The following NELL1 variants were observed in gnomAD, a reference collection of about 807,000 sequenced individuals.
NELL1 encodes the protein protein kinase C-binding protein NELL1.
A neutral mutation model predicts 107.4 loss-of-function variants in NELL1; 76 were observed. The observed-to-expected ratio is 0.71, with a 90% CI of 0.59 to 0.86. NELL1 has a LOEUF of 0.86. Ranked by LOEUF, NELL1 falls within the 40% of genes least tolerant of loss-of-function variation. The pLI, the probability that NELL1 is intolerant of heterozygous loss-of-function variation, is 0.00. For synonymous variants in NELL1, 353 were observed against 341.2 expected, an observed-to-expected ratio of 1.03 and a Z score of -0.38; for missense variants, 1,024 against 1,005.5, an observed-to-expected ratio of 1.02 and a Z score of -0.25.
chr11:21,566,367 T>C (rs1242698320), intron 17 of NELL1, among the ~76,000 whole-genome samples: 3 of 151,866 alleles, frequency 2.0e-5, no homozygotes, highest in Non-Finnish European at 4.4e-5. Flanking sequence ...AATACTGAAA[T>C]ATTACTGAAA....
chr11:21,293,445 G>A (rs1288510446), intron 14 of NELL1, among the ~76,000 whole-genome samples: 1 of 152,180 alleles, frequency 6.6e-6, no homozygotes. Context: ...ATGCTGGAGA[G>A]GATGTGGAGA....
At chr11:20,929,548 C>A (rs1050387146) in intron 9 of NELL1, among the ~76,000 whole-genome samples, 3 of 151,768 alleles carry the variant, frequency 2.0e-5, no homozygotes, top group Non-Finnish European at 4.4e-5. Flanking sequence ...TTTTGGAAGT[C>A]ATGTCTGGCA....
intron 2 of NELL1, among the ~76,000 whole-genome samples, chr11:20,746,037 A>T (rs1590254636): frequency 6.6e-6 from 1 of 152,152 alleles, no homozygotes; most frequent in South Asian, 2.1e-4. Context: ...GTGAGCAAGG[A>T]GAGAAATTAT....
intron 13 of NELL1, among the ~76,000 whole-genome samples, chr11:21,133,715 A>G (rs1411830245): frequency 3.2e-5 from 2 of 62,660 alleles, no homozygotes; most frequent in African/African-American, 1.2e-4. Context: ...GGTGTGGGGC[A>G]GTTGTTGGGG....
chr11:21,146,534 A>C (rs931122893), intron 13 of NELL1, among the ~76,000 whole-genome samples: 5 of 152,148 alleles, frequency 3.3e-5, no homozygotes, highest in Admixed American at 2.0e-4. Context: ...GAGGGAAGAA[A>C]CTGGGAAGAA....
intron 12 of NELL1, among the ~76,000 whole-genome samples, chr11:21,015,838 T>C (rs908646371): frequency 2.0e-5 from 3 of 152,102 alleles, no homozygotes; most frequent in Admixed American, 2.0e-4. Flanking sequence ...CAACACAGTA[T>C]ATGCTCCATT....
intron 15 of NELL1, among the ~76,000 whole-genome samples, chr11:21,533,109 A>G (rs549784235): frequency 6.6e-6 from 1 of 152,318 alleles, no homozygotes; most frequent in East Asian, 1.9e-4. Flanking sequence ...AATGGGCTGA[A>G]CAATACATGC....
At chr11:20,708,499 T>C (rs2133892631) in intron 2 of NELL1, among the ~76,000 whole-genome samples, 1 of 152,298 alleles carries the variant, frequency 6.6e-6, no homozygotes, top group African/African-American at 2.4e-5. Context: ...TTTTTAATGT[T>C]TTTTGGCCAT....
intron 14 of NELL1, among the ~76,000 whole-genome samples, chr11:21,347,602 AAAAC>A (rs1188876289): frequency 1.3e-5 from 2 of 152,194 alleles, no homozygotes; most frequent in African/African-American, 4.8e-5. Context: ...AACTCTGCCT[AAAAC>A]AAACAAACAA....
chr11:20,681,097 T>G (rs1854179765), intron 2 of NELL1, among the ~76,000 whole-genome samples: 3 of 152,120 alleles, frequency 2.0e-5, no homozygotes, highest in Admixed American at 2.0e-4. Flanking sequence ...AAAAGTTGTT[T>G]AACCACAACG....
chr11:21,484,604 T>A (rs1347727197), intron 15 of NELL1, among the ~76,000 whole-genome samples: 1 of 151,394 alleles, frequency 6.6e-6, no homozygotes, highest in South Asian at 2.1e-4. Context: ...GTATAGTAGA[T>A]GATATGCATA....
intron 14 of NELL1, among the ~76,000 whole-genome samples, chr11:21,239,599 A>C (rs1421721232): frequency 6.6e-6 from 1 of 152,076 alleles, no homozygotes; most frequent in Non-Finnish European, 1.5e-5. Flanking sequence ...AGCCATAAAT[A>C]AACTCAGGAT....
intron 16 of NELL1, among the ~76,000 whole-genome samples, chr11:21,538,440 G>A (rs893860528): frequency 3.3e-5 from 5 of 152,126 alleles, no homozygotes; most frequent in Non-Finnish European, 5.9e-5. Flanking sequence ...TAGTATTGCA[G>A]AGGCAGATAG....
At chr11:21,440,499 T>C (rs1189872325) in intron 15 of NELL1, among the ~76,000 whole-genome samples, 1 of 152,206 alleles carries the variant, frequency 6.6e-6, no homozygotes, top group East Asian at 1.9e-4. Context: ...AGTCAGGCTC[T>C]TGTCAATTAA....
chr11:21,571,671 A>G (rs974200883), intron 18 of NELL1, among the ~76,000 whole-genome samples: 3 of 151,916 alleles, frequency 2.0e-5, no homozygotes, highest in African/African-American at 7.2e-5. Context: ...TAGGGCTACT[A>G]ATGGTATAAT....
intron 2 of NELL1, among the ~76,000 whole-genome samples, chr11:20,735,781 G>C (rs1413860335): frequency 6.6e-6 from 1 of 152,218 alleles, no homozygotes. Context: ...CAGTGACAAA[G>C]AGCAGTAGCT....
At chr11:20,934,279 A>G (rs1850677619) in intron 9 of NELL1, among the ~76,000 whole-genome samples, 1 of 152,226 alleles carries the variant, frequency 6.6e-6, no homozygotes, top group South Asian at 2.1e-4. Context: ...TCATCCTAAG[A>G]TAATTTCATA....
chr11:20,930,809 T>G (rs578079321), intron 9 of NELL1, among the ~76,000 whole-genome samples: 3 of 152,186 alleles, frequency 2.0e-5, no homozygotes, highest in South Asian at 2.1e-4. Context: ...CATCAGTTTT[T>G]TTTTTTTTTT....
At chr11:21,534,602 T>TA in intron 16 of NELL1, 88 bp downstream of exon 16, 1 of 1,365,214 alleles carries the variant, frequency 7.3e-7, no homozygotes, top group African/African-American at 1.4e-5. Context: ...CTCCCAGTGT[T>TA]AAAATATGAC....
Sources: allele counts gnomAD v4.1 joint callset (sites outside exome capture counted in the v4.1 genomes callset), GRCh38; gene constraint gnomAD v4.1.1; transcripts MANE v1.5; gene names NCBI Gene and HGNC (gene_info 2026-07-23, HGNC 2026-07-21).